BICRA: variants seen among roughly 807,000 people sequenced by gnomAD.
BICRA encodes BRD4 interacting chromatin remodeling complex associated protein.
In BICRA, 31 loss-of-function variants were observed where a neutral mutation model predicts 96.9. The ratio of observed to expected loss-of-function variants is 0.32; its 90% CI spans 0.24 to 0.43. The LOEUF (loss-of-function observed/expected upper bound fraction) is 0.43, where lower values mean the gene tolerates loss of function less well. Ranked by LOEUF, BICRA falls within the 20% of genes least tolerant of loss-of-function variation. BICRA has a pLI of 1.00. For missense variants in BICRA, 2,283 were observed against 2,190.3 expected, an observed-to-expected ratio of 1.04 and a Z score of -0.84; for synonymous variants, 1,350 against 1,071.8, an observed-to-expected ratio of 1.26 and a Z score of -5.07.
chr19:47,625,553 G>A (rs1368424206), intron 1 of BICRA, among the ~76,000 whole-genome samples: 2 of 152,162 alleles, frequency 1.3e-5, no homozygotes, highest in African/African-American at 4.8e-5. Context: ...GATACTGAAT[G>A]ATTGAGGGGC....
chr19:47,620,496 G>C (rs1211442516), intron 1 of BICRA, among the ~76,000 whole-genome samples: 1 of 151,534 alleles, frequency 6.6e-6, no homozygotes, highest in Admixed American at 6.6e-5. Flanking sequence ...GTGAAACCCC[G>C]TCTCTACAAA....
Position 47,682,162 on chromosome 19 carries a change from C to A in BICRA, c.2283+10C>A. On this transcript the variant is annotated intron_variant, in intron 7 of 14. Transcript: ENST00000594866. ...GGCTCCGGCCCCCCAGGTAGAGGGACCCCAGCAGCCTGTGTCCGCAGCACA... is the reference window on the plus strand; with the variant it reads ...GGCTCCGGCCCCCCAGGTAGAGGGAACCCAGCAGCCTGTGTCCGCAGCACA... 1 of 1,334,824 alleles carries A rather than the reference C, an allele frequency of 7.5e-7. No individual in the cohort carries two copies. The highest frequency in any genetic ancestry group is 1.0e-6 in the Non-Finnish European group (1 of 971,962). 82.7% of individuals were successfully genotyped at this position (1,334,824 alleles called of 1,614,324 possible).
intron 1 of BICRA, among the ~76,000 whole-genome samples, chr19:47,629,201 C>T (rs1358362742): frequency 2.0e-5 from 3 of 151,964 alleles, no homozygotes; most frequent in Non-Finnish European, 4.4e-5. Context: ...GACGGGGTTT[C>T]ACCGTGTTAG....
Position 47,679,844 on chromosome 19 carries a change from C to A in BICRA, c.674C>A (p.Ala225Asp). The A allele has an allele frequency of 6.7e-7, 1 of 1,489,352 alleles. No individual in the cohort carries two copies. Among genetic ancestry groups the A allele is most frequent in the Non-Finnish European group, 8.9e-7 (1 of 1,125,664 alleles). The allele number at this position is 1,489,352 out of a possible 1,614,324, so 92.3% of individuals were successfully genotyped here. Reference protein sequence around the residue: ...QGLPNGSPGGATAATLGLAPI... With the variant: ...QGLPNGSPGGDTAATLGLAPI... Reference sequence around the variant, plus strand: ...CTGCCCAATGGCAGCCCTGGGGGTGCCACGGCGGCCACACTGGGCCTGGCG... The same window carrying A: ...CTGCCCAATGGCAGCCCTGGGGGTGACACGGCGGCCACACTGGGCCTGGCG... The change falls in exon 6 of 15, where the codon GCC becomes GAC. Residue 225 changes from alanine (A) to aspartate (D), a missense_variant. Physicochemically the swap from Ala to Asp is moderately radical, Grantham distance 126. Transcript: ENST00000594866.
chr19:47,702,737 C>T lies in BICRA; in HGVS notation c.*322C>T, dbSNP rs1019672021. ...CCGGGGGACACGCGCATGTGTTTGC[C>T]AGGGATGGGGCCACCGGGTTGATGC... On this transcript the variant is annotated 3_prime_UTR_variant, in exon 15 of 15. Coordinates refer to ENST00000594866, the MANE Select transcript of BICRA (RefSeq NM_001394372.1). The T allele has an allele frequency of 5.3e-6, 2 of 376,466 alleles. No individual in the cohort carries two copies. Among genetic ancestry groups the T allele is most frequent in the Non-Finnish European group, 9.5e-6 (2 of 210,308 alleles). 23.3% of individuals were successfully genotyped at this position (376,466 alleles called of 1,614,324 possible). A position where few individuals can be genotyped will look rare whatever the true frequency, so the allele number is the denominator to read the frequency against.
At chr19:47,637,738 T>G (rs1392959786) in intron 1 of BICRA, among the ~76,000 whole-genome samples, 3 of 152,144 alleles carry the variant, frequency 2.0e-5, no homozygotes, top group African/African-American at 7.2e-5. Flanking sequence ...TTATTTCGCT[T>G]CCTGTCTCCA....
At position 47,701,510 on chromosome 19, in the gene BICRA, A is replaced by C; in HGVS notation, c.3778A>C (p.Thr1260Pro). The C allele has an allele frequency of 6.5e-7, 1 of 1,547,346 alleles. No homozygotes were observed. Among genetic ancestry groups the C allele is most frequent in the Non-Finnish European group, 8.7e-7 (1 of 1,146,774 alleles). The change falls in exon 15 of 15, where the codon ACC (threonine) becomes CCC (proline). Residue 1260 changes from threonine (T) to proline (P), a missense_variant. Transcript: ENST00000594866. This position sits in a 1 kb window ranked among gnomAD's most constrained non-coding sequence, Gnocchi z 5.4. ...CGGGGCAGGCGGCTCCCCTTCGGTC[A>C]CCTGGGCCCGGGCGTCCTCCTCCCT... ...HGGAGGSPSV[T>P]WARASSSLSS...
intron 1 of BICRA, chr19:47,661,672 C>T (rs2123561834): frequency 6.6e-6 from 1 of 151,794 alleles, no homozygotes. Flanking sequence ...TGAGAAAATA[C>T]ATTTACTACA....
At chr19:47,610,888 T>C (rs115390619) in intron 1 of BICRA, among the ~76,000 whole-genome samples, 1,697 of 152,212 alleles carry the variant, frequency 0.011, 23 homozygotes, top group African/African-American at 0.038. Flanking sequence ...GGTAGGACTT[T>C]TGGGACATGT....
At position 47,614,603 on chromosome 19, in the gene BICRA, C is replaced by T. The variant is rs568939667; in HGVS notation, c.-108+5435C>T. ...GCACTGCACTCCACTCCAGCCTGGG[C>T]GACACAGCGAGACTCTGTCTAAAAC... On this transcript the variant is annotated intron_variant, in intron 1 of 14. Transcript: ENST00000594866. Among the ~76,000 whole-genome samples, 14 of 152,286 alleles carry T rather than the reference C, an allele frequency of 9.2e-5. No individual in the cohort carries two copies. The South Asian group carries it at 1.7e-3, about 18-fold the overall frequency.
At chr19:47,616,067 GAGGGCACGCAGC>G (rs1273161291) in intron 1 of BICRA, 2 of 152,486 alleles carry the variant, frequency 1.3e-5, no homozygotes, top group African/African-American at 4.8e-5. Flanking sequence ...CATGGCAGCA[GAGGGCACGCAGC>G]AGGCTGCTCC....
Position 47,694,680 on chromosome 19 carries a change from TC to T in BICRA, c.2852del (p.Pro951GlnfsTer95). On this transcript the variant is annotated frameshift_variant, in exon 8 of 15. Coordinates refer to ENST00000594866, the MANE Select transcript of BICRA (RefSeq NM_001394372.1). LOFTEE classifies it high-confidence loss of function. Reference protein sequence around the residue: ...PRTFQMVTTPFPALPQPKALL... With the variant: ...PRTFQMVTTPXPALPQPKALL... Reference sequence around the variant, plus strand: ...ACCTTCCAGATGGTGACCACCCCCTTCCCAGCGCTGCCCCAGCCGAAGGCTC... The same window carrying T: ...ACCTTCCAGATGGTGACCACCCCCTTCCAGCGCTGCCCCAGCCGAAGGCTC... 3 of 1,580,580 alleles carry T rather than the reference TC, an allele frequency of 1.9e-6. No individual in the cohort carries two copies. The highest frequency in any genetic ancestry group is 2.6e-6 in the Non-Finnish European group (3 of 1,157,804).
At chr19:47,610,919 C>G (rs1971896826) in intron 1 of BICRA, among the ~76,000 whole-genome samples, 1 of 152,172 alleles carries the variant, frequency 6.6e-6, no homozygotes, top group Admixed American at 6.5e-5. Flanking sequence ...TGCCTTCCCT[C>G]ATAGCTCCCC....
chr19:47,697,951 T>G (rs954429786), intron 11 of BICRA, among the ~76,000 whole-genome samples: 1 of 151,768 alleles, frequency 6.6e-6, no homozygotes, highest in African/African-American at 2.4e-5. Context: ...AGACAATCCT[T>G]CTGCCTCGGC....
intron 1 of BICRA, among the ~76,000 whole-genome samples, chr19:47,652,170 A>T (rs1972550034): frequency 6.6e-6 from 1 of 152,106 alleles, no homozygotes; most frequent in Non-Finnish European, 1.5e-5. Flanking sequence ...TATTTCAGGT[A>T]TGGAAGGGTG....
chr19:47,615,534 A>C (rs1971970629), intron 1 of BICRA, among the ~76,000 whole-genome samples: 1 of 152,166 alleles, frequency 6.6e-6, no homozygotes, highest in African/African-American at 2.4e-5. Flanking sequence ...TTGCTGGCTG[A>C]ATGGCTGTGG....
chr19:47,681,063 C>A lies in BICRA; in HGVS notation c.1893C>A (p.Val631=). The A allele has an allele frequency of 7.1e-7, 1 of 1,404,966 alleles. No homozygotes were observed. Among genetic ancestry groups the A allele is most frequent in the East Asian group, 2.9e-5 (1 of 34,606 alleles). The allele number at this position is 1,404,966 out of a possible 1,614,324, so 87.0% of individuals were successfully genotyped here. The change falls in exon 6 of 15, where the codon GTC becomes GTA. Residue 631 remains valine (V), a synonymous_variant. Coordinates refer to ENST00000594866, the MANE Select transcript of BICRA (RefSeq NM_001394372.1). ...CTGCCCCCCAGGCGCCCCCCGCGGTCAGCACACCCCTGCCCCTGGGCCTCC... is the reference window on the plus strand; with the variant it reads ...CTGCCCCCCAGGCGCCCCCCGCGGTAAGCACACCCCTGCCCCTGGGCCTCC... ...VQPAPQAPPA[V]STPLPLGLQQ...
Position 47,679,363 on chromosome 19 carries a change from C to T in BICRA, c.193C>T (p.Pro65Ser). Residue 65 changes from proline (P) to serine (S), a missense_variant, in exon 6 of 15, where the codon CCC (proline) becomes TCC (serine). Transcript: ENST00000594866. Reference protein sequence around the residue: ...EASGNHLNPEPNQPAPSVDLD... With the variant: ...EASGNHLNPESNQPAPSVDLD... ...TTCCGGCAACCACCTGAACCCAGAG[C>T]CCAACCAGCCGGCCCCCAGTGTGGA... is the stretch of plus-strand genomic sequence containing the variant. The T allele has an allele frequency of 3.5e-6, 5 of 1,433,658 alleles. No individual in the cohort carries two copies. The highest frequency in any genetic ancestry group is 4.6e-6 in the Non-Finnish European group (5 of 1,091,754). The allele number at this position is 1,433,658 out of a possible 1,614,324, so 88.8% of individuals were successfully genotyped here. A position where few individuals can be genotyped will look rare whatever the true frequency, so the allele number is the denominator to read the frequency against.
intron 1 of BICRA, among the ~76,000 whole-genome samples, chr19:47,655,588 C>T (rs541385348): frequency 1.3e-3 from 202 of 149,642 alleles, no homozygotes; most frequent in Non-Finnish European, 2.1e-3. Flanking sequence ...TGCAGTGGCT[C>T]ATGCCTGTAA....
Sources: gnomAD v4.1 joint callset for allele counts (sites outside exome capture counted in the v4.1 genomes callset) on GRCh38, gnomAD v4.1.1 for gene constraint, Gnocchi (gnomAD v3.1) non-coding constraint, MANE v1.5 for transcripts, NCBI Gene and HGNC (gene_info 2026-07-23, HGNC 2026-07-21) for gene names.